SNX29: variants seen among roughly 807,000 people sequenced by gnomAD.
The protein encoded by SNX29 is sorting nexin-29.
In SNX29, 78 loss-of-function variants were observed where a neutral mutation model predicts 102.1. That is an observed-to-expected ratio of 0.76 (90% CI 0.64 to 0.92). The LOEUF (loss-of-function observed/expected upper bound fraction) is 0.92, where lower values mean the gene tolerates loss of function less well. Among genes scored for constraint, SNX29 ranks in the 40% least tolerant of loss-of-function variants. The pLI is 0.00. For synonymous variants in SNX29, 580 were observed against 414.5 expected (o/e 1.40, Z -4.85); for missense variants, 1,280 against 1,061.7 (o/e 1.21, Z -2.86).
At chr16:12,561,646 C>T (rs1054450459) in intron 20 of SNX29, among the ~76,000 whole-genome samples, 3 of 152,194 alleles carry the variant, frequency 2.0e-5, no homozygotes, top group East Asian at 1.9e-4. Context: ...AAAGAACAGC[C>T]ACTCCTGGGG....
At chr16:12,315,064 A>T (rs1246610363) in intron 15 of SNX29, among the ~76,000 whole-genome samples, 2 of 152,188 alleles carry the variant, frequency 1.3e-5, no homozygotes, top group African/African-American at 4.8e-5. Flanking sequence ...TTATGACTTC[A>T]TGGGCTTGTA....
intron 13 of SNX29, among the ~76,000 whole-genome samples, chr16:12,142,408 T>C (rs1218596692): frequency 1.3e-5 from 2 of 151,918 alleles, no homozygotes; most frequent in African/African-American, 4.8e-5. Flanking sequence ...CCAAGGAGCG[T>C]TGAGTGCATG....
intron 18 of SNX29, among the ~76,000 whole-genome samples, chr16:12,433,323 C>T (rs1397342250): frequency 6.6e-6 from 1 of 152,132 alleles, no homozygotes. Flanking sequence ...AAACTCGGCT[C>T]ACAGGATCAT....
At chr16:12,193,061 C>CTAG (rs2076683673) in intron 13 of SNX29, among the ~76,000 whole-genome samples, 1 of 152,198 alleles carries the variant, frequency 6.6e-6, no homozygotes, top group Non-Finnish European at 1.5e-5. Context: ...TCTCAAACTT[C>CTAG]TAGGCTCAGG....
At chr16:12,071,651 C>A (rs142629085) in intron 10 of SNX29, among the ~76,000 whole-genome samples, 29 of 152,206 alleles carry the variant, frequency 1.9e-4, no homozygotes, top group African/African-American at 6.5e-4. Context: ...CTTGGCAATG[C>A]GGCCTCTTTT....
chr16:12,241,892 T>C (rs906880258), intron 14 of SNX29, among the ~76,000 whole-genome samples: 2 of 152,164 alleles, frequency 1.3e-5, no homozygotes, highest in African/African-American at 4.8e-5. Flanking sequence ...AACTTTCTAG[T>C]TCATGTTCAG....
chr16:12,454,612 G>A (rs1436288565), intron 18 of SNX29, among the ~76,000 whole-genome samples: 1 of 152,206 alleles, frequency 6.6e-6, no homozygotes, highest in Non-Finnish European at 1.5e-5. Context: ...AGAGAGGTGA[G>A]GAAGAACAGA....
intron 13 of SNX29, among the ~76,000 whole-genome samples, chr16:12,168,436 G>A (rs941765619): frequency 6.6e-6 from 1 of 152,134 alleles, no homozygotes; most frequent in Non-Finnish European, 1.5e-5. Flanking sequence ...TCAGAGAATC[G>A]AACCAACTTT....
intron 20 of SNX29, among the ~76,000 whole-genome samples, chr16:12,555,298 A>G (rs896488871): frequency 6.6e-6 from 1 of 151,662 alleles, no homozygotes; most frequent in East Asian, 2.0e-4. Flanking sequence ...GGTGCTGTCC[A>G]GTCAATCCCT....
At chr16:12,220,080 T>C (rs935779956) in intron 14 of SNX29, among the ~76,000 whole-genome samples, 4 of 152,242 alleles carry the variant, frequency 2.6e-5, no homozygotes, top group African/African-American at 9.6e-5. Context: ...CAGGGTCTCT[T>C]GCGACCTGCA....
chr16:12,170,476 G>A (rs768739669), intron 13 of SNX29, among the ~76,000 whole-genome samples: 2 of 151,942 alleles, frequency 1.3e-5, no homozygotes, highest in Admixed American at 1.3e-4. Flanking sequence ...GAGGCGTGTG[G>A]ATGGGTGTGC....
intron 11 of SNX29, among the ~76,000 whole-genome samples, chr16:12,117,633 T>C (rs756763441): frequency 5.9e-5 from 9 of 152,102 alleles, no homozygotes; most frequent in South Asian, 4.2e-4. Flanking sequence ...TGGGAAGAAA[T>C]TGCTTAATGG....
chr16:12,081,107 A>C (rs2051852636), intron 11 of SNX29: 1 of 152,222 alleles, frequency 6.6e-6, no homozygotes, highest in Non-Finnish European at 1.5e-5. Flanking sequence ...GGTCGCTGTA[A>C]AATGAAGACA....
chr16:12,058,496 T>G (rs985972967), intron 8 of SNX29, among the ~76,000 whole-genome samples: 1 of 40,172 alleles, frequency 2.5e-5, no homozygotes, highest in Admixed American at 1.7e-4. Context: ...TGGTTTTTGG[T>G]TTTTTTTTTT....
chr16:12,183,842 C>T (rs545472980), intron 13 of SNX29, among the ~76,000 whole-genome samples: 161 of 152,318 alleles, frequency 1.1e-3, no homozygotes, highest in African/African-American at 3.5e-3. Context: ...ACCACGATGA[C>T]GATGAGAGTG....
chr16:12,518,618 C>T (rs1458043843), intron 19 of SNX29, among the ~76,000 whole-genome samples: 2 of 152,178 alleles, frequency 1.3e-5, no homozygotes, highest in Non-Finnish European at 1.5e-5. Context: ...CTGTGGGTTC[C>T]ATCGCAGCAC....
At chr16:12,462,763 G>A (rs190822905) in intron 18 of SNX29, among the ~76,000 whole-genome samples, 2 of 152,328 alleles carry the variant, frequency 1.3e-5, no homozygotes, top group East Asian at 3.9e-4. Context: ...AGAAGCAGAA[G>A]CCTGCTCTAC....
chr16:12,474,062 G>C (rs575561089), intron 18 of SNX29, among the ~76,000 whole-genome samples: 4 of 152,058 alleles, frequency 2.6e-5, no homozygotes, highest in Non-Finnish European at 4.4e-5. Flanking sequence ...CTTGGGGTCT[G>C]GATTGGAGCC....
At chr16:12,023,583 A>C (rs1171476075) in intron 3 of SNX29, among the ~76,000 whole-genome samples, 2 of 150,534 alleles carry the variant, frequency 1.3e-5, no homozygotes, top group African/African-American at 4.9e-5. Flanking sequence ...GTCTCAAAAA[A>C]AAAAAAGAAA....
Sources: allele counts gnomAD v4.1 joint callset (sites outside exome capture counted in the v4.1 genomes callset), GRCh38; gene constraint gnomAD v4.1.1; transcripts MANE v1.5; gene names NCBI Gene and HGNC (gene_info 2026-07-23, HGNC 2026-07-21).